The following MIDEAS variants were observed in gnomAD, a reference collection of about 807,000 sequenced individuals.
MIDEAS encodes mitotic deacetylase associated SANT domain protein.
Under a neutral mutation model 102.7 loss-of-function variants are expected in MIDEAS, and 26 were observed. That is an observed-to-expected ratio of 0.25 (90% CI 0.19 to 0.35). The LOEUF is 0.35. MIDEAS is among the 10% of genes least tolerant of loss of function. The probability of loss-of-function intolerance (pLI) is 1.00; values close to 1 mark genes in which losing one functional copy is unlikely to be tolerated. For missense variants in MIDEAS, 1,231 were observed against 1,435.6 expected, an observed-to-expected ratio of 0.86 and a Z score of 2.30; for synonymous variants, 585 against 591.0, an observed-to-expected ratio of 0.99 and a Z score of 0.15.
chr14:73,770,077 C>G (rs1206807959), intron 1 of MIDEAS, among the ~76,000 whole-genome samples: 1 of 151,864 alleles, frequency 6.6e-6, no homozygotes, highest in Admixed American at 6.6e-5. Context: ...TCCACAGCAC[C>G]TGTATATAGA....
At chr14:73,770,232 T>C (rs774565259) in intron 1 of MIDEAS, among the ~76,000 whole-genome samples, 10 of 152,154 alleles carry the variant, frequency 6.6e-5, no homozygotes, top group Non-Finnish European at 1.3e-4. Context: ...GGTGAACTTA[T>C]AAGCTGTGTT....
Position 73,716,806 on chromosome 14 carries a change from C to A in MIDEAS, c.*2037G>T, listed in dbSNP as rs1000412772. 7.2e-5 allele frequency: 11 copies of A among 152,002 alleles called. No individual in the cohort carries two copies. The highest frequency in any genetic ancestry group is 2.2e-4 in the African/African-American group (9 of 41,256). The allele number at this position is 152,002 out of a possible 1,614,324, so 9.4% of individuals were successfully genotyped here. On this transcript the variant is annotated 3_prime_UTR_variant, in exon 13 of 13. Transcript: ENST00000423556. ...GTATGCCCATAAAGGGGCCTGAAAC[C>A]AAATATGATTTGAATAGAAAAGACC...
At position 73,717,907 on chromosome 14, in the gene MIDEAS, G is replaced by A. The variant is rs1000523992; in HGVS notation, c.*936C>T. 7.6e-5 allele frequency: 10 copies of A among 131,646 alleles called. No individual in the cohort carries two copies. Among genetic ancestry groups the A allele is most frequent in the African/African-American group, 3.0e-4 (10 of 33,714 alleles). The allele number at this position is 131,646 out of a possible 1,614,324, so 8.2% of individuals were successfully genotyped here. ...TGCGGTGGGGTTAGGTGTAGCTGCT[G>A]AGGTCAGAGCAGAGGCAAGGAGGCT... On this transcript the variant is annotated 3_prime_UTR_variant, in exon 13 of 13. Coordinates refer to ENST00000423556, the MANE Select transcript of MIDEAS (RefSeq NM_001367710.1).
intron 1 of MIDEAS, among the ~76,000 whole-genome samples, chr14:73,778,388 A>G (rs1156785123): frequency 3.3e-5 from 5 of 151,340 alleles, no homozygotes; most frequent in Non-Finnish European, 7.4e-5. Flanking sequence ...GTGATGGGGA[A>G]GGTCACGACT....
At chr14:73,758,010 G>C (rs1327327826) in intron 1 of MIDEAS, among the ~76,000 whole-genome samples, 1 of 152,146 alleles carries the variant, frequency 6.6e-6, no homozygotes, top group Non-Finnish European at 1.5e-5. Context: ...GGCTGTTCCA[G>C]AGCAAGCTGG....
chr14:73,750,888 A>G (rs960884959), intron 1 of MIDEAS, among the ~76,000 whole-genome samples: 1 of 152,268 alleles, frequency 6.6e-6, no homozygotes, highest in African/African-American at 2.4e-5. Context: ...GTTTATCCCA[A>G]CATCACACAA....
Position 73,759,499 on chromosome 14 carries a change from C to G in MIDEAS, c.-248+264G>C, listed in dbSNP as rs1373236062. 6.6e-6 allele frequency among the ~76,000 whole-genome samples: 1 copy of G among 150,696 alleles called. No individual in the cohort carries two copies. The highest frequency in any genetic ancestry group is 2.4e-5 in the African/African-American group (1 of 41,236). On this transcript the variant is annotated intron_variant, in intron 1 of 12. Transcript: ENST00000423556. The surrounding 1 kb of genome is among the most constrained non-coding windows in gnomAD (Gnocchi z 6.7). ...ACAAACACCGCGGGGCTGCGCTGCA[C>G]ACGCAGCTGCGGGCCGAGGGCGCGG...
In MIDEAS at chr14:73,725,075, G is replaced by C; in HGVS notation, c.2574+197C>G. On this transcript the variant is annotated intron_variant, in intron 9 of 12. Coordinates refer to ENST00000423556, the MANE Select transcript of MIDEAS (RefSeq NM_001367710.1). This position sits in a 1 kb window ranked among gnomAD's most constrained non-coding sequence, Gnocchi z 4.1. ...CTTGGCCACCCTACCCTGAAGTGAGGAAAGGATGCTTAGAACCAAAAGGGA... is the reference window on the plus strand; with the variant it reads ...CTTGGCCACCCTACCCTGAAGTGAGCAAAGGATGCTTAGAACCAAAAGGGA... 1.9e-6 allele frequency: 1 copy of C among 516,712 alleles called. No homozygotes were observed. Among genetic ancestry groups the C allele is most frequent in the Middle Eastern group, 5.7e-4 (1 of 1,762 alleles). 32.0% of individuals were successfully genotyped at this position (516,712 alleles called of 1,614,324 possible). A position where few individuals can be genotyped will look rare whatever the true frequency, so the allele number is the denominator to read the frequency against.
chr14:73,733,745 A>T (rs1210992228), intron 3 of MIDEAS, among the ~76,000 whole-genome samples: 2 of 152,010 alleles, frequency 1.3e-5, no homozygotes, highest in East Asian at 3.9e-4. Context: ...CCCAAGCTGG[A>T]GTGCAGTGGT....
At chr14:73,752,381 A>G (rs2053431273) in intron 1 of MIDEAS, among the ~76,000 whole-genome samples, 1 of 152,106 alleles carries the variant, frequency 6.6e-6, no homozygotes, top group African/African-American at 2.4e-5. Context: ...GAGGTAAAGC[A>G]GGGGGTGTAG....
rs1307566977 is a variant in MIDEAS at position 73,717,450 on chromosome 14, G to T, written c.*1393C>A. ...GGCCTCTTGCCAACTCTTCCCTCAG[G>T]CAAAGCACAGCCAGAGAAGGGGCAG... On this transcript the variant is annotated 3_prime_UTR_variant, in exon 13 of 13. Coordinates refer to ENST00000423556, the MANE Select transcript of MIDEAS (RefSeq NM_001367710.1). 3 of 152,266 alleles carry T rather than the reference G, an allele frequency of 2.0e-5. No individual in the cohort carries two copies. The highest frequency in any genetic ancestry group is 7.2e-5 in the African/African-American group (3 of 41,448). 9.4% of individuals were successfully genotyped at this position (152,266 alleles called of 1,614,324 possible).
At chr14:73,719,888 A>G (rs1331439320) in intron 11 of MIDEAS, among the ~76,000 whole-genome samples, 1 of 140,764 alleles carries the variant, frequency 7.1e-6, no homozygotes, top group East Asian at 2.8e-4. Context: ...TGCTAGGGAC[A>G]AAGAGGTTGA....
At chr14:73,770,539 C>T (rs754286040) in intron 1 of MIDEAS, among the ~76,000 whole-genome samples, 57 of 152,102 alleles carry the variant, frequency 3.7e-4, no homozygotes, top group South Asian at 1.2e-3. Flanking sequence ...GGGGATGGTG[C>T]GGGGGAGTGC....
intron 2 of MIDEAS, among the ~76,000 whole-genome samples, chr14:73,738,324 T>G (rs1050868380): frequency 1.3e-5 from 2 of 152,136 alleles, no homozygotes; most frequent in Non-Finnish European, 2.9e-5. Context: ...TTGAACCCGG[T>G]GATCTGTATC....
chr14:73,752,782 T>C (rs761663579), intron 1 of MIDEAS, among the ~76,000 whole-genome samples: 10 of 152,240 alleles, frequency 6.6e-5, no homozygotes, highest in Non-Finnish European at 1.2e-4. Flanking sequence ...GAGCAGCTGC[T>C]GCAGGGCCTT....
At chr14:73,752,445 A>G (rs1014546037) in intron 1 of MIDEAS, among the ~76,000 whole-genome samples, 3 of 152,174 alleles carry the variant, frequency 2.0e-5, no homozygotes, top group African/African-American at 7.2e-5. Context: ...CTGACTGGTC[A>G]GGGCTGGAAA....
chr14:73,721,676 G>A (rs1595251096), intron 10 of MIDEAS, 167 bp from the exon 11 acceptor site: 1 of 618,934 alleles, frequency 1.6e-6, no homozygotes, highest in South Asian at 1.9e-5. Flanking sequence ...CCATGGCATA[G>A]TAGCCATGGG....
intron 1 of MIDEAS, among the ~76,000 whole-genome samples, chr14:73,778,252 G>C (rs2053709334): frequency 6.6e-6 from 1 of 151,860 alleles, no homozygotes; most frequent in Non-Finnish European, 1.5e-5. Context: ...CTACTCTGGA[G>C]GCTGAGGCAG....
At chr14:73,745,203 C>T (rs914973258) in intron 1 of MIDEAS, among the ~76,000 whole-genome samples, 1 of 152,176 alleles carries the variant, frequency 6.6e-6, no homozygotes, top group African/African-American at 2.4e-5. Flanking sequence ...CCCGGGATCC[C>T]ACCCTACCCC....
Sources: allele counts gnomAD v4.1 joint callset (sites outside exome capture counted in the v4.1 genomes callset), GRCh38; gene constraint gnomAD v4.1.1; non-coding constraint Gnocchi (gnomAD v3.1); transcripts MANE v1.5; gene names NCBI Gene and HGNC (gene_info 2026-07-23, HGNC 2026-07-21).